Variants in ADARB1 observed in about 807,000 individuals in gnomAD.
The protein encoded by ADARB1 is adenosine deaminase RNA specific B1, also known as double-stranded RNA-specific editase 1.
A neutral mutation model predicts 52.4 loss-of-function variants in ADARB1; 10 were observed. The ratio of observed to expected loss-of-function variants is 0.19; its 90% CI spans 0.12 to 0.32. The LOEUF is 0.32. ADARB1 is among the 10% of genes least tolerant of loss of function. ADARB1 has a pLI of 1.00. For synonymous variants in ADARB1, 349 were observed against 371.1 expected (o/e 0.94, Z 0.68); for missense variants, 643 against 922.3 (o/e 0.70, Z 3.92).
At chr21:45,214,458 AAGTC>A (rs1323360564) in intron 9 of ADARB1, among the ~76,000 whole-genome samples, 1 of 152,236 alleles carries the variant, frequency 6.6e-6, no homozygotes, top group Non-Finnish European at 1.5e-5. Flanking sequence ...ATATTTGCCT[AAGTC>A]AGTACTACAA....
chr21:45,170,890 G>A (rs1463502567), intron 2 of ADARB1, among the ~76,000 whole-genome samples: 5 of 152,126 alleles, frequency 3.3e-5, no homozygotes, highest in Non-Finnish European at 5.9e-5. Context: ...GTTCTTTGAG[G>A]ATTTCCTGTG....
At chr21:45,188,630 C>G (rs1236494893) in intron 8 of ADARB1, among the ~76,000 whole-genome samples, 3 of 149,930 alleles carry the variant, frequency 2.0e-5, no homozygotes, top group Non-Finnish European at 4.4e-5. Flanking sequence ...TTTTTTAATC[C>G]ATTTACCCAA....
intron 2 of ADARB1, among the ~76,000 whole-genome samples, chr21:45,147,148 C>G (rs535618469): frequency 3.9e-5 from 6 of 152,306 alleles, no homozygotes; most frequent in African/African-American, 1.2e-4. Flanking sequence ...CCTGGTTAAT[C>G]ACAGTGTGGA....
At chr21:45,145,666 C>G (rs567879948) in intron 2 of ADARB1, 2 of 152,318 alleles carry the variant, frequency 1.3e-5, no homozygotes, top group South Asian at 2.1e-4. Flanking sequence ...CTGCCACATA[C>G]AGAATGTGAG....
chr21:45,187,433 A>T (rs2092145702), intron 8 of ADARB1, among the ~76,000 whole-genome samples: 1 of 152,234 alleles, frequency 6.6e-6, no homozygotes, highest in Admixed American at 6.5e-5. Flanking sequence ...TTTTCTACAT[A>T]TAAAATTATG....
intron 2 of ADARB1, among the ~76,000 whole-genome samples, chr21:45,138,984 A>C (rs1160642676): frequency 6.6e-6 from 1 of 151,288 alleles, no homozygotes; most frequent in Non-Finnish European, 1.5e-5. Context: ...GCAGTGGCAC[A>C]ATCTTGGCTC....
intron 2 of ADARB1, among the ~76,000 whole-genome samples, chr21:45,168,705 A>G (rs377902): frequency 0.52 from 78,945 of 152,028 alleles, 20,792 homozygotes; most frequent in South Asian, 0.58. Context: ...TAGCTTTGTA[A>G]TAAATGCTGA....
Position 45,221,640 on chromosome 21 carries a change from G to C in ADARB1, c.1927-378G>C, listed in dbSNP as rs1291316472. Among the ~76,000 whole-genome samples, 1 of 152,196 alleles carries C rather than the reference G, an allele frequency of 6.6e-6. No individual in the cohort carries two copies. On this transcript the variant is annotated intron_variant, in intron 10 of 10. Transcript: ENST00000348831. This position sits in a 1 kb window ranked among gnomAD's most constrained non-coding sequence, Gnocchi z 4.9. ...CACAAGTCCAAGGTCCACACAGAAG[G>C]AGTTACTGGCCGCATGAGGGAAGGC...
chr21:45,129,575 G>T (rs1416064979), intron 2 of ADARB1, among the ~76,000 whole-genome samples: 1 of 152,224 alleles, frequency 6.6e-6, no homozygotes, highest in Non-Finnish European at 1.5e-5. Flanking sequence ...CAGGGACCAG[G>T]CGCTCGCTTG....
chr21:45,171,224 A>G (rs1257068142), intron 2 of ADARB1, among the ~76,000 whole-genome samples: 1 of 152,188 alleles, frequency 6.6e-6, no homozygotes, highest in Non-Finnish European at 1.5e-5. Flanking sequence ...CTTTGTCCCT[A>G]GTTCAGCGCT....
chr21:45,088,468 CT>C (rs2086432477), intron 1 of ADARB1, among the ~76,000 whole-genome samples: 1 of 152,146 alleles, frequency 6.6e-6, no homozygotes, highest in Admixed American at 6.5e-5. Context: ...AGTATCACTA[CT>C]GATACTTCTT....
intron 1 of ADARB1, among the ~76,000 whole-genome samples, chr21:45,102,915 T>G (rs2123739732): frequency 6.6e-6 from 1 of 152,212 alleles, no homozygotes; most frequent in South Asian, 2.1e-4. Flanking sequence ...GGCGGGGGGC[T>G]CAACCCAGCA....
rs1211152319 is a variant in ADARB1, at chr21:45,171,463, C to G, written c.-47-147C>G. Reference sequence around the variant, plus strand: ...GAGTATTTTGTACCAGATGGCAGATCTGACTTCTCTAACAAGACCTAGTTC... The same window carrying G: ...GAGTATTTTGTACCAGATGGCAGATGTGACTTCTCTAACAAGACCTAGTTC... On this transcript the variant is annotated intron_variant, in intron 2 of 10. Coordinates refer to ENST00000348831, the MANE Select transcript of ADARB1 (RefSeq NM_001112.4). 8 of 606,502 alleles carry G rather than the reference C, an allele frequency of 1.3e-5. No individual in the cohort carries two copies. In the East Asian group the frequency reaches 2.4e-4, roughly 18 times the overall value. 37.6% of individuals were successfully genotyped at this position (606,502 alleles called of 1,614,324 possible). A position where few individuals can be genotyped will look rare whatever the true frequency, so the allele number is the denominator to read the frequency against.
intron 2 of ADARB1, among the ~76,000 whole-genome samples, chr21:45,165,062 C>G (rs1431275154): frequency 2.6e-5 from 4 of 152,324 alleles, no homozygotes; most frequent in African/African-American, 9.6e-5. Context: ...CCCTGGAGCG[C>G]CCAGGCCTCA....
At chr21:45,171,589 T>C (rs769613925) in intron 2 of ADARB1, 21 bp from the exon 3 acceptor site, 3 of 1,490,604 alleles carry the variant, frequency 2.0e-6, no homozygotes, top group Admixed American at 1.7e-5. Flanking sequence ...CACTAAATGC[T>C]ATTTTCTTAC....
At chr21:45,211,775 C>CTG (rs1210437477) in intron 9 of ADARB1, among the ~76,000 whole-genome samples, 69 of 152,294 alleles carry the variant, frequency 4.5e-4, no homozygotes, top group African/African-American at 1.6e-3. Flanking sequence ...TTATTGGTTT[C>CTG]TGTACCGCGG....
At chr21:45,096,177 A>G (rs567317205) in intron 1 of ADARB1, among the ~76,000 whole-genome samples, 53 of 152,340 alleles carry the variant, frequency 3.5e-4, no homozygotes, top group African/African-American at 1.1e-3. Flanking sequence ...AAACCCTAGC[A>G]CTTTGGTGTG....
At position 45,208,719 on chromosome 21, in the gene ADARB1, T is replaced by TGAGA. The variant is rs568052930; in HGVS notation, c.1747+3991_1747+3994dup. ...GTGTGTGCACGCTCACATGAGTGTA[T>TGAGA]GAGAGAGAGAGTGTGTGTGTGTGTG... is the stretch of plus-strand genomic sequence containing the variant. On this transcript the variant is annotated intron_variant, in intron 9 of 10. Transcript: ENST00000348831. This position sits in a 1 kb window ranked among gnomAD's most constrained non-coding sequence, Gnocchi z 5.6. Among the ~76,000 whole-genome samples the TGAGA allele has an allele frequency of 6.6e-6, 1 of 151,896 alleles. No individual in the cohort carries two copies. Among genetic ancestry groups the TGAGA allele is most frequent in the African/African-American group, 2.4e-5 (1 of 41,360 alleles).
chr21:45,119,634 A>C (rs2088040938), intron 1 of ADARB1, among the ~76,000 whole-genome samples: 2 of 152,226 alleles, frequency 1.3e-5, no homozygotes, highest in Admixed American at 6.5e-5. Flanking sequence ...GGTGTGTTGC[A>C]AGTTAGTTAA....
Sources: allele counts gnomAD v4.1 joint callset (sites outside exome capture counted in the v4.1 genomes callset), GRCh38; gene constraint gnomAD v4.1.1; non-coding constraint Gnocchi (gnomAD v3.1); transcripts MANE v1.5; gene names NCBI Gene and HGNC (gene_info 2026-07-23, HGNC 2026-07-21).